Variants in UBE2D3 observed in about 807,000 individuals in gnomAD.
UBE2D3 encodes the protein ubiquitin-conjugating enzyme E2 D3.
A neutral mutation model predicts 22.8 loss-of-function variants in UBE2D3; 2 were observed. That is an observed-to-expected ratio of 0.09 (90% CI 0.04 to 0.28). UBE2D3 has a LOEUF of 0.28. Ranked by LOEUF, UBE2D3 falls within the 10% of genes least tolerant of loss-of-function variation. The pLI, the probability that UBE2D3 is intolerant of heterozygous loss-of-function variation, is 1.00. For missense variants in UBE2D3, 27 were observed against 182.5 expected, an observed-to-expected ratio of 0.15 and a Z score of 4.91; for synonymous variants, 56 against 60.4, an observed-to-expected ratio of 0.93 and a Z score of 0.34.
intron 2 of UBE2D3, chr4:102,812,814 T>C (rs995171640): frequency 6.6e-6 from 1 of 152,210 alleles, no homozygotes; most frequent in Admixed American, 6.5e-5. Flanking sequence ...TGAGACTTTG[T>C]CCCATTTAAC....
At chr4:102,839,166 G>A (rs1398069370) in intron 1 of UBE2D3, among the ~76,000 whole-genome samples, 1 of 152,074 alleles carries the variant, frequency 6.6e-6, no homozygotes, top group Non-Finnish European at 1.5e-5. Context: ...AACTGACTAA[G>A]GATTTCAAAT....
chr4:102,821,859 A>G (rs1729672236), intron 2 of UBE2D3, among the ~76,000 whole-genome samples: 1 of 152,252 alleles, frequency 6.6e-6, no homozygotes, highest in Non-Finnish European at 1.5e-5. Flanking sequence ...CCAACAATAT[A>G]TAATATTCAG....
chr4:102,825,707 G>C, intron 2 of UBE2D3: 1 of 604,926 alleles, frequency 1.7e-6, no homozygotes, highest in South Asian at 1.5e-5. Context: ...AATAGAATGA[G>C]GCAAAAATAG....
chr4:102,868,069 A>ATTTTTTTT (rs1347875621), intron 1 of UBE2D3, among the ~76,000 whole-genome samples: 1 of 92,290 alleles, frequency 1.1e-5, no homozygotes, highest in African/African-American at 5.5e-5. Context: ...AAGGCTTTAG[A>ATTTTTTTT]TTCTTTTTTT....
At chr4:102,824,144 T>C (rs1162528455) in intron 2 of UBE2D3, among the ~76,000 whole-genome samples, 1 of 152,218 alleles carries the variant, frequency 6.6e-6, no homozygotes, top group Non-Finnish European at 1.5e-5. Flanking sequence ...TTTCTGTAAG[T>C]TGAATCAATA....
intron 1 of UBE2D3, among the ~76,000 whole-genome samples, chr4:102,855,069 C>G (rs1732560813): frequency 6.6e-6 from 1 of 152,162 alleles, no homozygotes; most frequent in Non-Finnish European, 1.5e-5. Context: ...TTCCCTGCTG[C>G]CAGAATTTTG....
intron 1 of UBE2D3, among the ~76,000 whole-genome samples, chr4:102,854,204 T>C (rs1165467412): frequency 6.6e-6 from 1 of 152,242 alleles, no homozygotes; most frequent in Non-Finnish European, 1.5e-5. Flanking sequence ...ATTTGTTGTG[T>C]ATCTATTAAT....
At chr4:102,859,948 C>T (rs1295851006) in intron 1 of UBE2D3, among the ~76,000 whole-genome samples, 1 of 151,866 alleles carries the variant, frequency 6.6e-6, no homozygotes, top group Non-Finnish European at 1.5e-5. Flanking sequence ...CGGGTTCACA[C>T]CATTCTCCTG....
At chr4:102,800,316 G>A (rs750816277) in intron 6 of UBE2D3, among the ~76,000 whole-genome samples, 10 of 151,816 alleles carry the variant, frequency 6.6e-5, no homozygotes, top group Non-Finnish European at 1.3e-4. Flanking sequence ...CCCAAATACA[G>A]CAGAATATAA....
At chr4:102,828,065 A>G (rs567462576), upstream of UBE2D3, 115 of 985,444 alleles carry the variant, frequency 1.2e-4, no homozygotes, top group African/African-American at 1.4e-3. Flanking sequence ...TCCAAAATGC[A>G]TAAGTTCTCG....
intron 1 of UBE2D3, among the ~76,000 whole-genome samples, chr4:102,833,449 C>G (rs1352966827): frequency 6.6e-6 from 1 of 152,196 alleles, no homozygotes; most frequent in Non-Finnish European, 1.5e-5. Flanking sequence ...TCTAAAATCA[C>G]ATGGCAGTAC....
intron 2 of UBE2D3, among the ~76,000 whole-genome samples, chr4:102,816,095 T>C (rs1312027261): frequency 6.6e-6 from 1 of 152,242 alleles, no homozygotes; most frequent in African/African-American, 2.4e-5. Flanking sequence ...ATGCTCTTTG[T>C]AGCTAGCAGA....
At chr4:102,804,140 G>A (rs114109120) in intron 4 of UBE2D3, among the ~76,000 whole-genome samples, 1,814 of 152,062 alleles carry the variant, frequency 0.012, 16 homozygotes, top group Non-Finnish European at 0.02. Flanking sequence ...GGTGGAGGGC[G>A]GGGGGAATGG....
intron 1 of UBE2D3, among the ~76,000 whole-genome samples, chr4:102,849,791 G>C (rs960255454): frequency 3.3e-5 from 5 of 152,230 alleles, no homozygotes; most frequent in African/African-American, 4.8e-5. Flanking sequence ...GTTGACCACA[G>C]TGTGGAGAAA....
intron 1 of UBE2D3, among the ~76,000 whole-genome samples, chr4:102,856,533 C>T (rs1276967585): frequency 6.6e-6 from 1 of 152,046 alleles, no homozygotes; most frequent in Non-Finnish European, 1.5e-5. Context: ...TTTGAAAAAA[C>T]CTTTTTATCC....
intron 2 of UBE2D3, among the ~76,000 whole-genome samples, chr4:102,821,164 CACA>C (rs1397405357): frequency 6.6e-6 from 1 of 151,990 alleles, no homozygotes; most frequent in Non-Finnish European, 1.5e-5. Context: ...AGCTCAAGAC[CACA>C]ACATTTCCAA....
At chr4:102,834,750 A>G (rs905012142) in intron 1 of UBE2D3, among the ~76,000 whole-genome samples, 5 of 144,826 alleles carry the variant, frequency 3.5e-5, no homozygotes, top group Non-Finnish European at 4.6e-5. Flanking sequence ...CCCTGTCTGG[A>G]AAAAAAAAAA....
chr4:102,863,563 A>G lies in UBE2D3; in HGVS notation c.-129+5152T>C, dbSNP rs561839052. 2.0e-5 allele frequency among the ~76,000 whole-genome samples: 3 copies of G among 151,842 alleles called. No individual in the cohort carries two copies. The South Asian group carries it at 6.2e-4, about 32-fold the overall frequency. On this transcript the variant is annotated intron_variant, in intron 1 of 7. Transcript: ENST00000338145. ...AGGCTGGTTGCAGTGGTACAATCTC[A>G]GCTCACTGCAACCTCCATCTCCCGG...
upstream of UBE2D3, among the ~76,000 whole-genome samples, chr4:102,828,456 G>A (rs894268047): frequency 2.6e-5 from 4 of 152,086 alleles, no homozygotes; most frequent in Non-Finnish European, 5.9e-5. Context: ...TCTAGTGCAC[G>A]TCTGACCCTA....
Sources: gnomAD v4.1 joint callset for allele counts (sites outside exome capture counted in the v4.1 genomes callset) on GRCh38, gnomAD v4.1.1 for gene constraint, MANE v1.5 for transcripts, NCBI Gene and HGNC (gene_info 2026-07-23, HGNC 2026-07-21) for gene names.